The following DMXL1 variants were observed in gnomAD, a reference collection of about 807,000 sequenced individuals.
The protein encoded by DMXL1 is dmX-like protein 1.
DMXL1 carries 99 observed loss-of-function variants against 319.2 expected under a neutral mutation model. The ratio of observed to expected loss-of-function variants is 0.31; its 90% CI spans 0.26 to 0.37. DMXL1 has a LOEUF of 0.37. Among genes scored for constraint, DMXL1 ranks in the 10% least tolerant of loss-of-function variants. The probability of loss-of-function intolerance (pLI) is 1.00; values close to 1 mark genes in which losing one functional copy is unlikely to be tolerated. For synonymous variants in DMXL1, 1,385 were observed against 1,235.2 expected (o/e 1.12, Z -2.54); for missense variants, 3,745 against 3,595.6 (o/e 1.04, Z -1.06).
chr5:119,236,743 T>C (rs550272593), intron 39 of DMXL1: 1 of 152,082 alleles, frequency 6.6e-6, no homozygotes, highest in East Asian at 1.9e-4. Context: ...ATAAGCTGCG[T>C]TATTTTTATA....
intron 19 of DMXL1, among the ~76,000 whole-genome samples, chr5:119,158,984 G>C (rs1432079387): frequency 6.6e-6 from 1 of 152,042 alleles, no homozygotes; most frequent in Admixed American, 6.5e-5. Context: ...GGGAAATCCT[G>C]GTCTCATAAA....
At chr5:119,102,124 C>T in intron 3 of DMXL1, 118 bp downstream of exon 3, 2 of 522,306 alleles carry the variant, frequency 3.8e-6, no homozygotes, top group Non-Finnish European at 3.4e-6. Flanking sequence ...ATTGAACCTA[C>T]ATGTTAAATT....
At chr5:119,095,680 C>T (rs2149769593) in intron 1 of DMXL1, among the ~76,000 whole-genome samples, 1 of 152,202 alleles carries the variant, frequency 6.6e-6, no homozygotes, top group East Asian at 1.9e-4. Flanking sequence ...AATCAGTATT[C>T]TCAAAATTTA....
At chr5:119,159,957 A>T (rs1358365925) in intron 19 of DMXL1, among the ~76,000 whole-genome samples, 1 of 152,138 alleles carries the variant, frequency 6.6e-6, no homozygotes, top group Non-Finnish European at 1.5e-5. Flanking sequence ...GGAGTTGTCA[A>T]TTATATTTAT....
Position 119,142,930 on chromosome 5 carries a change from AG to A in DMXL1, c.2377-909del, listed in dbSNP as rs373121409. Among the ~76,000 whole-genome samples the A allele has an allele frequency of 9.9e-4, 150 of 152,172 alleles. 1 individual carries two copies. The highest frequency in any genetic ancestry group is 3.5e-3 in the African/African-American group (146 of 41,512). On this transcript the variant is annotated intron_variant, in intron 13 of 43. Coordinates refer to ENST00000539542, the MANE Select transcript of DMXL1 (RefSeq NM_001290321.3). ...CATTCATAAAGCAACTTCTTTATGG[AG>A]GCCATTCTTTAAGGAGGCCATTATC...
At position 119,132,275 on chromosome 5, in the gene DMXL1, C is replaced by G. The variant is rs150582563; in HGVS notation, c.1316-857C>G. The stretch of plus-strand genomic sequence containing the variant: ...TATTATAAGGTGGCGAAAGAGGCCC[C>G]TTTCTTGAGCACATGTTTAATAAAA... On this transcript the variant is annotated intron_variant, in intron 10 of 43. Coordinates refer to ENST00000539542, the MANE Select transcript of DMXL1 (RefSeq NM_001290321.3). Among the ~76,000 whole-genome samples, 707 of 152,244 alleles carry G rather than the reference C, an allele frequency of 4.6e-3. 10 individuals are homozygous for G. The highest frequency in any genetic ancestry group is 0.016 in the African/African-American group (668 of 41,524).
chr5:119,184,897 T>C (rs144409780), intron 28 of DMXL1, among the ~76,000 whole-genome samples: 108 of 152,292 alleles, frequency 7.1e-4, no homozygotes, highest in African/African-American at 2.5e-3. Flanking sequence ...TGAAATCTTA[T>C]ATACAGAACC....
intron 32 of DMXL1, among the ~76,000 whole-genome samples, chr5:119,199,304 T>C (rs969794618): frequency 2.6e-5 from 4 of 152,236 alleles, no homozygotes; most frequent in African/African-American, 7.2e-5. Flanking sequence ...TTCCCACTTA[T>C]AAGTGAGAAC....
intron 10 of DMXL1, among the ~76,000 whole-genome samples, chr5:119,129,639 GT>G (rs1764364043): frequency 6.6e-6 from 1 of 152,056 alleles, no homozygotes; most frequent in Non-Finnish European, 1.5e-5. Context: ...CATTCTTCTG[GT>G]TTTGTTAGCC....
At chr5:119,105,139 AT>A (rs767051214) in intron 3 of DMXL1, 40 bp from the exon 4 acceptor site, 17 of 1,272,396 alleles carry the variant, frequency 1.3e-5, no homozygotes, top group Non-Finnish European at 2.0e-5. Context: ...CAGAGAAAAT[AT>A]GCCAATCATA....
chr5:119,211,767 G>C (rs1298677230), intron 34 of DMXL1, among the ~76,000 whole-genome samples: 1 of 152,128 alleles, frequency 6.6e-6, no homozygotes, highest in Non-Finnish European at 1.5e-5. Context: ...TTATATTGTA[G>C]GTTTTAGTAA....
At chr5:119,147,013 C>T (rs1055662884) in intron 16 of DMXL1, 57 bp downstream of exon 16, 6 of 1,576,128 alleles carry the variant, frequency 3.8e-6, no homozygotes, top group South Asian at 3.5e-5. Context: ...TAACAAATTA[C>T]ACAAAATTAG....
chr5:119,144,752 A>G, intron 15 of DMXL1, 114 bp downstream of exon 15: 5 of 589,034 alleles, frequency 8.5e-6, no homozygotes, highest in South Asian at 3.5e-5. Context: ...AAATTGGGGT[A>G]GGTTTGTTTA....
intron 38 of DMXL1, among the ~76,000 whole-genome samples, chr5:119,227,005 G>C (rs995528360): frequency 6.6e-6 from 1 of 152,096 alleles, no homozygotes; most frequent in Non-Finnish European, 1.5e-5. Flanking sequence ...AGTTTTTATA[G>C]AACTTAATCT....
At chr5:119,176,540 G>C (rs1450708376) in intron 26 of DMXL1, among the ~76,000 whole-genome samples, 1 of 151,146 alleles carries the variant, frequency 6.6e-6, no homozygotes, top group Non-Finnish European at 1.5e-5. Flanking sequence ...AGTTTTTTTT[G>C]TTGTTACTCT....
intron 7 of DMXL1, among the ~76,000 whole-genome samples, chr5:119,117,780 C>G (rs980595707): frequency 1.3e-5 from 2 of 152,040 alleles, no homozygotes; most frequent in South Asian, 4.1e-4. Flanking sequence ...GAGAGAGCAA[C>G]CAATACAAAT....
chr5:119,123,273 G>C (rs1323190021), intron 9 of DMXL1, among the ~76,000 whole-genome samples: 1 of 151,482 alleles, frequency 6.6e-6, no homozygotes, highest in East Asian at 1.9e-4. Flanking sequence ...GCTTCGGCTC[G>C]GCATCAGAGG....
chr5:119,168,174 AGT>A (rs1434426138), intron 23 of DMXL1, among the ~76,000 whole-genome samples: 1 of 152,216 alleles, frequency 6.6e-6, no homozygotes, highest in East Asian at 1.9e-4. Flanking sequence ...GGTTGAATTT[AGT>A]GTGTTTGTCA....
chr5:119,156,181 C>G (rs570787033), intron 19 of DMXL1, among the ~76,000 whole-genome samples: 10 of 152,326 alleles, frequency 6.6e-5, no homozygotes, highest in African/African-American at 2.4e-4. Flanking sequence ...CTACCCTGAT[C>G]AGTCAGCAGC....
Sources: gnomAD v4.1 joint callset for allele counts (sites outside exome capture counted in the v4.1 genomes callset) on GRCh38, gnomAD v4.1.1 for gene constraint, MANE v1.5 for transcripts, NCBI Gene and HGNC (gene_info 2026-07-23, HGNC 2026-07-21) for gene names.